BICC1: variants seen among roughly 807,000 people sequenced by gnomAD.
The protein encoded by BICC1 is protein bicaudal C homolog 1.
In BICC1, 43 loss-of-function variants were observed where a neutral mutation model predicts 111.0. That is an observed-to-expected ratio of 0.39 (90% CI 0.30 to 0.50). The LOEUF (loss-of-function observed/expected upper bound fraction) is 0.50, where lower values mean the gene tolerates loss of function less well. Ranked by LOEUF, BICC1 falls within the 20% of genes least tolerant of loss-of-function variation. The pLI is 0.88. For synonymous variants in BICC1, 467 were observed against 434.4 expected (o/e 1.07, Z -0.93); for missense variants, 1,091 against 1,203.2 (o/e 0.91, Z 1.38).
At chr10:58,728,850 G>A (rs1429979607) in intron 3 of BICC1, among the ~76,000 whole-genome samples, 2 of 151,994 alleles carry the variant, frequency 1.3e-5, no homozygotes, top group Non-Finnish European at 2.9e-5. Context: ...CATTGTCAAT[G>A]AGCAGTAATA....
rs200248207 is a variant in BICC1 at position 58,513,274 on chromosome 10, C to T, written c.131C>T (p.Pro44Leu). The change falls in exon 1 of 21, where the codon CCG becomes CTG. Residue 44 changes from proline (P) to leucine (L), a missense_variant. Pro to Leu is a moderately conservative substitution (Grantham distance 98). Around this residue, in one of 3 missense-constraint regions of BICC1, gnomAD observed 843 missense variants for 900.8 expected, o/e 0.94. Coordinates refer to ENST00000373886, the MANE Select transcript of BICC1 (RefSeq NM_001080512.3). The stretch of plus-strand genomic sequence containing the variant: ...GTCGCCGGGGCGACCCTGCACAGCC[C>T]GGAGTGGAGCGAGGAGCGCTTCCGC... ...DLVAGATLHS[P>L]EWSEERFRVD... 3.8e-4 allele frequency: 606 copies of T among 1,612,894 alleles called. No individual in the cohort carries two copies. Among genetic ancestry groups the T allele is most frequent in the Non-Finnish European group, 3.7e-4 (437 of 1,179,420 alleles).
At chr10:58,685,796 C>G (rs1272072602) in intron 2 of BICC1, among the ~76,000 whole-genome samples, 1 of 152,204 alleles carries the variant, frequency 6.6e-6, no homozygotes, top group African/African-American at 2.4e-5. Context: ...ATACAGCACA[C>G]TAATGGCTCT....
At chr10:58,813,737 A>T in intron 17 of BICC1, 93 bp from the exon 18 acceptor site, 2 of 1,311,882 alleles carry the variant, frequency 1.5e-6, no homozygotes, top group East Asian at 4.6e-5. Context: ...AAGAGAAGTA[A>T]ACGGCAGTGG....
chr10:58,693,611 G>A (rs549373506), intron 2 of BICC1, among the ~76,000 whole-genome samples: 136 of 151,834 alleles, frequency 9.0e-4, no homozygotes, highest in African/African-American at 3.0e-3. Context: ...CTGATGGCCA[G>A]TGATGATGAG....
intron 1 of BICC1, among the ~76,000 whole-genome samples, chr10:58,526,182 T>C (rs935459468): frequency 1.3e-5 from 2 of 152,028 alleles, no homozygotes; most frequent in African/African-American, 2.4e-5. Flanking sequence ...CAGATGCCCA[T>C]TGGGATCTGT....
At chr10:58,775,216 A>C (rs2132738839) in intron 3 of BICC1, among the ~76,000 whole-genome samples, 1 of 152,218 alleles carries the variant, frequency 6.6e-6, no homozygotes, top group South Asian at 2.1e-4. Context: ...CTACTAAAAA[A>C]TACAAATATT....
chr10:58,597,907 T>C (rs1844874645), intron 1 of BICC1, among the ~76,000 whole-genome samples: 1 of 152,136 alleles, frequency 6.6e-6, no homozygotes, highest in African/African-American at 2.4e-5. Flanking sequence ...CAAGGTGCAC[T>C]GATTTCATAT....
At chr10:58,799,635 T>C (rs538931919) in intron 12 of BICC1, among the ~76,000 whole-genome samples, 35 of 152,292 alleles carry the variant, frequency 2.3e-4, no homozygotes, top group Non-Finnish European at 4.3e-4. Flanking sequence ...TTGTCGACTC[T>C]ATTGAAGATC....
chr10:58,533,978 G>A (rs1047695887), intron 1 of BICC1, among the ~76,000 whole-genome samples: 6 of 151,784 alleles, frequency 4.0e-5, no homozygotes, highest in African/African-American at 1.2e-4. Context: ...AAGACATACA[G>A]TGGCTGAATG....
chr10:58,586,494 G>A (rs969255547), intron 1 of BICC1, among the ~76,000 whole-genome samples: 4 of 151,428 alleles, frequency 2.6e-5, no homozygotes, highest in African/African-American at 9.7e-5. Flanking sequence ...CCAGCTACTC[G>A]GGTGGCTGAG....
intron 17 of BICC1, among the ~76,000 whole-genome samples, chr10:58,809,159 A>G (rs1268298045): frequency 3.3e-5 from 5 of 151,524 alleles, no homozygotes; most frequent in Non-Finnish European, 7.4e-5. Context: ...AGTAGATGGG[A>G]TTACAGGCAT....
chr10:58,638,514 T>A (rs1156807104), intron 2 of BICC1, among the ~76,000 whole-genome samples: 1 of 152,202 alleles, frequency 6.6e-6, no homozygotes, highest in Non-Finnish European at 1.5e-5. Flanking sequence ...GCCTCTCCCC[T>A]TTTTGGTCTC....
At chr10:58,683,761 A>C (rs1188232213) in intron 2 of BICC1, among the ~76,000 whole-genome samples, 1 of 152,212 alleles carries the variant, frequency 6.6e-6, no homozygotes, top group Non-Finnish European at 1.5e-5. Flanking sequence ...TTATCAGCTT[A>C]AGGAGCTTTT....
chr10:58,643,658 A>T (rs1838185837), intron 2 of BICC1, among the ~76,000 whole-genome samples: 1 of 152,236 alleles, frequency 6.6e-6, no homozygotes, highest in Non-Finnish European at 1.5e-5. Flanking sequence ...TGTGAAGGGA[A>T]AATAAGTGTT....
intron 2 of BICC1, among the ~76,000 whole-genome samples, chr10:58,701,384 C>T (rs1021225592): frequency 6.6e-6 from 1 of 152,102 alleles, no homozygotes; most frequent in African/African-American, 2.4e-5. Flanking sequence ...ATTTACCGTC[C>T]ATTTCCGTTG....
intron 9 of BICC1, among the ~76,000 whole-genome samples, chr10:58,794,595 C>T (rs1435764643): frequency 6.6e-6 from 1 of 151,842 alleles, no homozygotes; most frequent in East Asian, 1.9e-4. Context: ...ATGTTTTGTA[C>T]TTTTTGTAGA....
At chr10:58,783,202 G>C (rs1233094179) in intron 3 of BICC1, among the ~76,000 whole-genome samples, 6 of 152,086 alleles carry the variant, frequency 3.9e-5, no homozygotes, top group African/African-American at 1.4e-4. Flanking sequence ...CCAGGAGAGG[G>C]TGGGGGCTGG....
At chr10:58,529,876 T>C (rs1220477347) in intron 1 of BICC1, among the ~76,000 whole-genome samples, 2 of 151,900 alleles carry the variant, frequency 1.3e-5, no homozygotes, top group African/African-American at 2.4e-5. Context: ...GTCTAAAAAC[T>C]GGGCTTTAGC....
At position 58,635,386 on chromosome 10, in the gene BICC1, A is replaced by G. The variant is rs75887499; in HGVS notation, c.237+14485A>G. 8.3e-4 allele frequency among the ~76,000 whole-genome samples: 127 copies of G among 152,332 alleles called. 1 individual carries two copies. The East Asian group carries it at 0.019, about 23-fold the overall frequency. ...GAAATGATTTCTTTTTCTTGCTAGA[A>G]ACTCCATTCTACAAAATTAAACAAT... On this transcript the variant is annotated intron_variant, in intron 2 of 20. Transcript: ENST00000373886.
Sources: gnomAD v4.1 joint callset for allele counts (sites outside exome capture counted in the v4.1 genomes callset) on GRCh38, gnomAD v4.1.1 for gene constraint, gnomAD v4.1.1 regional missense constraint, MANE v1.5 for transcripts, NCBI Gene and HGNC (gene_info 2026-07-23, HGNC 2026-07-21) for gene names.